The following CRTC3 variants were observed in gnomAD, a reference collection of about 807,000 sequenced individuals.
CRTC3 encodes the protein CREB regulated transcription coactivator 3, also known as CREB-regulated transcription coactivator 3.
Under a neutral mutation model 74.5 loss-of-function variants are expected in CRTC3, and 26 were observed. That is an observed-to-expected ratio of 0.35 (90% CI 0.26 to 0.48). The LOEUF (loss-of-function observed/expected upper bound fraction) is 0.48, where lower values mean the gene tolerates loss of function less well. Among genes scored for constraint, CRTC3 ranks in the 20% least tolerant of loss-of-function variants. CRTC3 has a pLI of 0.99. For synonymous variants in CRTC3, 377 were observed against 325.8 expected (o/e 1.16, Z -1.69); for missense variants, 760 against 787.3 (o/e 0.97, Z 0.41).
chr15:90,642,054 C>G lies in CRTC3; in HGVS notation c.1774C>G (p.Leu592Val). ...GGAGCTGCAGATTGAACCCCTGAGCCTGGACGGACTCAACATGTTAAGTGA... is the reference window on the plus strand; with the variant it reads ...GGAGCTGCAGATTGAACCCCTGAGCGTGGACGGACTCAACATGTTAAGTGA... The part of the protein sequence containing the change: ...EEELQIEPLS[L>V]DGLNMLSDSS... Residue 592 changes from leucine (L) to valine (V), a missense_variant, in exon 15 of 15, where the codon CTG becomes GTG. Physicochemically the swap from Leu to Val is conservative, Grantham distance 32 (BLOSUM62 1). This residue lies in a region of CRTC3 where 652 missense variants were observed against 635.2 expected (regional missense o/e 1.03). Transcript: ENST00000268184. 1 of 1,614,042 alleles carries G rather than the reference C, an allele frequency of 6.2e-7. No individual in the cohort carries two copies. The highest frequency in any genetic ancestry group is 8.5e-7 in the Non-Finnish European group (1 of 1,180,036).
intron 11 of CRTC3, chr15:90,634,777 TTGGAAGGAGCGC>T (rs1969172188): frequency 1.7e-6 from 2 of 1,199,906 alleles, no homozygotes; most frequent in Non-Finnish European, 2.5e-6. Context: ...TGAGTATTGG[TTGGAAGGAGCGC>T]TGCTAAAACT....
intron 3 of CRTC3, 154 bp downstream of exon 3, chr15:90,593,909 A>T (rs1967858104): frequency 1.5e-6 from 1 of 652,660 alleles, no homozygotes; most frequent in Non-Finnish European, 2.4e-6. Context: ...AACTAGAAAC[A>T]TCTCTGCAGT....
At chr15:90,612,613 C>T (rs909559788) in intron 6 of CRTC3, among the ~76,000 whole-genome samples, 5 of 151,734 alleles carry the variant, frequency 3.3e-5, no homozygotes, top group African/African-American at 1.2e-4. Context: ...CACGCCATAC[C>T]AGATTGCTAT....
intron 2 of CRTC3, among the ~76,000 whole-genome samples, chr15:90,567,468 C>G (rs909787111): frequency 6.6e-6 from 1 of 152,042 alleles, no homozygotes; most frequent in East Asian, 1.9e-4. Context: ...AGGTGGATCA[C>G]CTGAGGTCAG....
chr15:90,602,328 A>G lies in CRTC3; in HGVS notation c.356A>G (p.Asp119Gly). ...RSGDKPGRQF[D>G]GSAFGANYSS... The stretch of plus-strand genomic sequence containing the variant: ...TTCCTTTATTAAAAATTCTACTTTG[A>G]TGGTAGTGCTTTTGGAGCCAATTAT... Residue 119 changes from aspartate (D) to glycine (G), a missense_variant, in exon 4 of 15, where the codon GAT becomes GGT. Around this residue, in one of 2 missense-constraint regions of CRTC3, gnomAD observed 652 missense variants for 635.2 expected, o/e 1.03. Transcript: ENST00000268184. 6.3e-7 allele frequency: 1 copy of G among 1,575,520 alleles called. No individual in the cohort carries two copies.
intron 3 of CRTC3, chr15:90,594,882 TG>T (rs1332834139): frequency 6.6e-6 from 1 of 152,184 alleles, no homozygotes; most frequent in Non-Finnish European, 1.5e-5. Flanking sequence ...CCAGGAGTTG[TG>T]GGGGCACTCT....
intron 2 of CRTC3, among the ~76,000 whole-genome samples, chr15:90,579,976 A>G (rs1967499957): frequency 2.0e-5 from 3 of 152,174 alleles, no homozygotes; most frequent in Non-Finnish European, 2.9e-5. Context: ...TTTATATTAC[A>G]TGCTGATTGC....
rs140196960 is a variant in CRTC3, at chr15:90,600,820, C to T, written c.352-1504C>T. Among the ~76,000 whole-genome samples, 140 of 152,194 alleles carry T rather than the reference C, an allele frequency of 9.2e-4. 1 individual carries two copies. Among genetic ancestry groups the T allele is most frequent in the African/African-American group, 3.3e-3 (138 of 41,512 alleles). On this transcript the variant is annotated intron_variant, in intron 3 of 14. Coordinates refer to ENST00000268184, the MANE Select transcript of CRTC3 (RefSeq NM_022769.5). Reference sequence around the variant, plus strand: ...GATGAAAAGTATTATTGGTAACTGCCGAATGTATATTTAATCCAATCAGTG... The same window carrying T: ...GATGAAAAGTATTATTGGTAACTGCTGAATGTATATTTAATCCAATCAGTG...
intron 1 of CRTC3, among the ~76,000 whole-genome samples, chr15:90,532,352 G>A (rs754127590): frequency 4.6e-5 from 7 of 152,140 alleles, no homozygotes; most frequent in Admixed American, 1.3e-4. Context: ...TGAAGAATGC[G>A]TCTCTAAGGA....
chr15:90,567,845 A>C (rs1967162938), intron 2 of CRTC3, among the ~76,000 whole-genome samples: 2 of 152,260 alleles, frequency 1.3e-5, no homozygotes, highest in South Asian at 2.1e-4. Context: ...AGTAATTTCA[A>C]CTTTCAAGTC....
At chr15:90,582,895 C>A (rs112338204) in intron 2 of CRTC3, among the ~76,000 whole-genome samples, 1 of 152,348 alleles carries the variant, frequency 6.6e-6, no homozygotes. Context: ...CATGATCCAT[C>A]TTCTCCAGGT....
At chr15:90,622,919 C>A (rs2038748648) in intron 9 of CRTC3, among the ~76,000 whole-genome samples, 2 of 152,202 alleles carry the variant, frequency 1.3e-5, no homozygotes, top group African/African-American at 4.8e-5. Flanking sequence ...AATGAGCCTT[C>A]TTCCTCACCC....
Position 90,530,255 on chromosome 15 carries a change from C to T in CRTC3, c.132+52C>T, listed in dbSNP as rs962950534. 27 of 1,019,686 alleles carry T rather than the reference C, an allele frequency of 2.6e-5. No individual in the cohort carries two copies. The African/African-American group carries it at 4.5e-4, about 17-fold the overall frequency. The allele number at this position is 1,019,686 out of a possible 1,614,324, so 63.2% of individuals were successfully genotyped here. ...GGGCGGCCACGGCCGCGGGCGGGAC[C>T]CGCGCGGCGGGTGAGAGGTTGCGGG... On this transcript the variant is annotated intron_variant, in intron 1 of 14. Coordinates refer to ENST00000268184, the MANE Select transcript of CRTC3 (RefSeq NM_022769.5). This position sits in a 1 kb window ranked among gnomAD's most constrained non-coding sequence, Gnocchi z 6.2.
intron 4 of CRTC3, among the ~76,000 whole-genome samples, chr15:90,603,405 T>C (rs1034603941): frequency 6.6e-6 from 1 of 151,128 alleles, no homozygotes; most frequent in Non-Finnish European, 1.5e-5. Flanking sequence ...ATCACGCCAC[T>C]GCACTCCAGC....
chr15:90,573,444 A>C (rs1967324126), intron 2 of CRTC3, among the ~76,000 whole-genome samples: 1 of 152,168 alleles, frequency 6.6e-6, no homozygotes, highest in African/African-American at 2.4e-5. Flanking sequence ...GAGTGGCCTT[A>C]ATCATGCCAA....
chr15:90,599,720 A>C (rs1968018837), intron 3 of CRTC3, among the ~76,000 whole-genome samples: 1 of 152,204 alleles, frequency 6.6e-6, no homozygotes, highest in African/African-American at 2.4e-5. Context: ...GGAAGGTTAA[A>C]ATGCTAACTT....
At position 90,530,137 on chromosome 15, in the gene CRTC3, C is replaced by T; in HGVS notation, c.66C>T (p.His22=). ...AGTTCAGTGAGAAGATCGCGCTGCA[C>T]ACGCAGAGACAGGCCGAGGAGACGC... ...PRKFSEKIAL[H]TQRQAEETRA... is the part of the protein sequence containing the mutation. Residue 22 remains histidine (H), a synonymous_variant, in exon 1 of 15, where the codon CAC becomes CAT. Coordinates refer to ENST00000268184, the MANE Select transcript of CRTC3 (RefSeq NM_022769.5). The surrounding 1 kb of genome is among the most constrained non-coding windows in gnomAD (Gnocchi z 6.2). The T allele has an allele frequency of 1.4e-6, 2 of 1,454,984 alleles. No individual in the cohort carries two copies. Among genetic ancestry groups the T allele is most frequent in the Non-Finnish European group, 1.8e-6 (2 of 1,088,432 alleles). The allele number at this position is 1,454,984 out of a possible 1,614,324, so 90.1% of individuals were successfully genotyped here.
chr15:90,576,827 A>G (rs1290786891), intron 2 of CRTC3, among the ~76,000 whole-genome samples: 2 of 152,070 alleles, frequency 1.3e-5, no homozygotes, highest in East Asian at 1.9e-4. Flanking sequence ...ATTTCGGTGG[A>G]GCAGAGGGAT....
chr15:90,621,453 G>C (rs1308702931), intron 9 of CRTC3, among the ~76,000 whole-genome samples: 1 of 152,076 alleles, frequency 6.6e-6, no homozygotes, highest in East Asian at 1.9e-4. Flanking sequence ...CTCCCAAGTA[G>C]CTGGAATTAC....
Sources: allele counts gnomAD v4.1 joint callset (sites outside exome capture counted in the v4.1 genomes callset), GRCh38; gene constraint gnomAD v4.1.1; regional missense constraint gnomAD v4.1.1; non-coding constraint Gnocchi (gnomAD v3.1); transcripts MANE v1.5; gene names NCBI Gene and HGNC (gene_info 2026-07-23, HGNC 2026-07-21).